The following DCK variants were observed in gnomAD, a reference collection of about 807,000 sequenced individuals.
The protein encoded by DCK is deoxyadenosine kinase.
A neutral mutation model predicts 38.3 loss-of-function variants in DCK; 23 were observed. The ratio of observed to expected loss-of-function variants is 0.60; its 90% CI spans 0.43 to 0.85. DCK has a LOEUF of 0.85. Ranked by LOEUF, DCK falls within the 40% of genes least tolerant of loss-of-function variation. The pLI, the probability that DCK is intolerant of heterozygous loss-of-function variation, is 0.00. For missense variants in DCK, 259 were observed against 304.4 expected, an observed-to-expected ratio of 0.85 and a Z score of 1.11; for synonymous variants, 108 against 100.6, an observed-to-expected ratio of 1.07 and a Z score of -0.44.
At chr4:70,995,903 C>T (rs1739649670) in intron 1 of DCK, among the ~76,000 whole-genome samples, 1 of 151,764 alleles carries the variant, frequency 6.6e-6, no homozygotes, top group Non-Finnish European at 1.5e-5. Context: ...CAATATTGGC[C>T]TGCACAGGTT....
Position 71,026,059 on chromosome 4 carries a change from TC to T in DCK, c.665+130del, listed in dbSNP as rs1417073451. 2.6e-6 allele frequency: 3 copies of T among 1,132,472 alleles called. No homozygotes were observed. In the African/African-American group the frequency reaches 4.8e-5, roughly 18 times the overall value. The allele number at this position is 1,132,472 out of a possible 1,614,324, so 70.2% of individuals were successfully genotyped here. ...CCAGTCGTTTTGCTTATTGGTATCT[TC>T]CAGAACTAGGTATAGATTTTCATTC... is the stretch of plus-strand genomic sequence containing the variant. On this transcript the variant is annotated intron_variant, in intron 5 of 6. Coordinates refer to ENST00000286648, the MANE Select transcript of DCK (RefSeq NM_000788.3).
At chr4:71,007,571 G>GTC (rs893145427) in intron 2 of DCK, among the ~76,000 whole-genome samples, 26 of 152,144 alleles carry the variant, frequency 1.7e-4, no homozygotes, top group African/African-American at 5.3e-4. Context: ...ATTTAGTTTT[G>GTC]TCTATTTTTG....
chr4:71,026,552 G>T, intron 5 of DCK, 113 bp from the exon 6 acceptor site: 1 of 673,496 alleles, frequency 1.5e-6, no homozygotes, highest in Non-Finnish European at 2.7e-6. Flanking sequence ...TAACTTTAGT[G>T]TAAATGATTG....
rs138667432 is a variant in DCK, at chr4:71,019,097, C to G, written c.208-3270C>G. On this transcript the variant is annotated intron_variant, in intron 2 of 6. Coordinates refer to ENST00000286648, the MANE Select transcript of DCK (RefSeq NM_000788.3). Reference sequence around the variant, plus strand: ...TGACTCATAAGTTATCCTGAGGAACCAGATAATGATACCCTGGCTTACTGT... The same window carrying G: ...TGACTCATAAGTTATCCTGAGGAACGAGATAATGATACCCTGGCTTACTGT... 6.0e-4 allele frequency among the ~76,000 whole-genome samples: 92 copies of G among 152,218 alleles called. 1 individual carries two copies. The highest frequency in any genetic ancestry group is 2.1e-3 in the African/African-American group (87 of 41,524).
chr4:71,010,183 T>TC (rs1460035883), intron 2 of DCK, among the ~76,000 whole-genome samples: 19 of 151,352 alleles, frequency 1.3e-4, no homozygotes, highest in African/African-American at 4.1e-4. Flanking sequence ...TTTTTTTTTT[T>TC]AACCTGCCAC....
intron 1 of DCK, 83 bp from the exon 2 acceptor site, chr4:70,997,984 A>T: frequency 3.5e-6 from 2 of 567,566 alleles, no homozygotes; most frequent in Non-Finnish European, 6.2e-6. Context: ...TTGCTATTGT[A>T]AATCTTGCAA....
chr4:71,006,192 T>G (rs577092947), intron 2 of DCK: 53 of 171,968 alleles, frequency 3.1e-4, no homozygotes, highest in Non-Finnish European at 5.6e-4. Context: ...GTAACTGAAT[T>G]TTACCTTTCA....
intron 2 of DCK, among the ~76,000 whole-genome samples, chr4:70,999,505 A>G (rs891646037): frequency 2.0e-5 from 3 of 152,202 alleles, no homozygotes; most frequent in African/African-American, 7.2e-5. Context: ...TCTTTATGGT[A>G]GAATAATTTA....
chr4:71,020,977 G>T (rs1560687258), intron 2 of DCK, among the ~76,000 whole-genome samples: 1 of 151,426 alleles, frequency 6.6e-6, no homozygotes, highest in Non-Finnish European at 1.5e-5. Context: ...TTCCTACAAT[G>T]TTGTCATTGT....
At chr4:71,008,553 T>TA (rs1197019963) in intron 2 of DCK, among the ~76,000 whole-genome samples, 1 of 152,200 alleles carries the variant, frequency 6.6e-6, no homozygotes, top group Non-Finnish European at 1.5e-5. Flanking sequence ...ACTGGAGTTC[T>TA]AAAAGCAACT....
At chr4:71,018,745 C>T (rs1740337723) in intron 2 of DCK, among the ~76,000 whole-genome samples, 2 of 146,548 alleles carry the variant, frequency 1.4e-5, no homozygotes, top group South Asian at 2.2e-4. Context: ...AATCTTGGCT[C>T]ACTGCAGCCT....
At chr4:71,006,041 G>A (rs533764987) in intron 2 of DCK, among the ~76,000 whole-genome samples, 115 of 143,954 alleles carry the variant, frequency 8.0e-4, no homozygotes, top group Middle Eastern at 3.6e-3. Context: ...CGGGAGAATT[G>A]CTTGAACCCG....
intron 2 of DCK, chr4:71,006,375 T>G (rs1739942844): frequency 1.7e-6 from 1 of 587,242 alleles, no homozygotes; most frequent in African/African-American, 2.0e-5. Context: ...TGGTTGTATG[T>G]GTGAGAGAGA....
intron 2 of DCK, among the ~76,000 whole-genome samples, chr4:71,007,924 G>A (rs1297387977): frequency 1.3e-5 from 2 of 152,016 alleles, no homozygotes; most frequent in African/African-American, 2.4e-5. Flanking sequence ...ACGGGGTTTT[G>A]CCATGTTACC....
chr4:71,028,968 G>T (rs1242868058), intron 6 of DCK, among the ~76,000 whole-genome samples: 1 of 152,176 alleles, frequency 6.6e-6, no homozygotes, highest in Non-Finnish European at 1.5e-5. Context: ...TGTTGGTCAG[G>T]CAGGTCTCGA....
chr4:71,028,837 A>C (rs140751249), intron 6 of DCK: 21,213 of 285,656 alleles, frequency 0.074, 975 homozygotes, highest in South Asian at 0.11. Flanking sequence ...AGCTCACCAC[A>C]ACCTCTGCCT....
At chr4:71,028,445 C>G (rs554553404) in intron 6 of DCK, among the ~76,000 whole-genome samples, 2 of 152,086 alleles carry the variant, frequency 1.3e-5, no homozygotes, top group Non-Finnish European at 2.9e-5. Flanking sequence ...CAAACAAAAA[C>G]TAGCCAGACA....
intron 2 of DCK, among the ~76,000 whole-genome samples, chr4:71,010,001 A>G (rs1212152256): frequency 6.6e-6 from 1 of 152,120 alleles, no homozygotes; most frequent in Non-Finnish European, 1.5e-5. Context: ...ATGAGAAGTG[A>G]CTGTTTTCAG....
chr4:71,006,356 CA>C, intron 2 of DCK: 1 of 805,064 alleles, frequency 1.2e-6, no homozygotes, highest in Non-Finnish European at 1.5e-6. Flanking sequence ...TTTTAAATAC[CA>C]AAATGTATGG....
Sources: gnomAD v4.1 joint callset for allele counts (sites outside exome capture counted in the v4.1 genomes callset) on GRCh38, gnomAD v4.1.1 for gene constraint, MANE v1.5 for transcripts, NCBI Gene and HGNC (gene_info 2026-07-23, HGNC 2026-07-21) for gene names.